WDR49: variants seen among roughly 807,000 people sequenced by gnomAD.
WDR49 encodes WD repeat domain 49.
Under a neutral mutation model 119.5 loss-of-function variants are expected in WDR49, and 107 were observed. That is an observed-to-expected ratio of 0.90 (90% CI 0.77 to 1.05). The LOEUF is 1.05. Among genes scored for constraint, WDR49 ranks in the 50% least tolerant of loss-of-function variants. The pLI, the probability that WDR49 is intolerant of heterozygous loss-of-function variation, is 0.00. For missense variants in WDR49, 1,240 were observed against 1,220.5 expected, an observed-to-expected ratio of 1.02 and a Z score of -0.24; for synonymous variants, 425 against 418.8, an observed-to-expected ratio of 1.01 and a Z score of -0.18.
At chr3:167,615,359 C>T (rs1467165537) in intron 5 of WDR49, among the ~76,000 whole-genome samples, 1 of 151,162 alleles carries the variant, frequency 6.6e-6, no homozygotes, top group Non-Finnish European at 1.5e-5. Context: ...TGGTCTCAAA[C>T]TCCTAGGCTC....
intron 8 of WDR49, among the ~76,000 whole-genome samples, chr3:167,563,297 T>A (rs932840092): frequency 4.4e-5 from 6 of 135,848 alleles, no homozygotes; most frequent in Non-Finnish European, 7.6e-5. Context: ...GAGCTTGCAG[T>A]GAGCCAAGAT....
chr3:167,540,806 C>G (rs1249948988), intron 10 of WDR49, among the ~76,000 whole-genome samples: 1 of 151,386 alleles, frequency 6.6e-6, no homozygotes, highest in East Asian at 1.9e-4. Context: ...TTTAAAAATA[C>G]AGGATATGGA....
chr3:167,650,141 C>A (rs1040309430), intron 2 of WDR49, among the ~76,000 whole-genome samples: 1 of 152,136 alleles, frequency 6.6e-6, no homozygotes, highest in African/African-American at 2.4e-5. Context: ...ATATCAAGCT[C>A]CATGGCTTTC....
chr3:167,565,679 G>A (rs1473464053), intron 8 of WDR49, among the ~76,000 whole-genome samples: 1 of 152,038 alleles, frequency 6.6e-6, no homozygotes, highest in African/African-American at 2.4e-5. Flanking sequence ...AAGGCCCTGA[G>A]GCACAGTGTC....
chr3:167,522,009 G>GATATATAT lies in WDR49; in HGVS notation c.2774+305_2774+306insATATATAT, dbSNP rs137908498. On this transcript the variant is annotated intron_variant, in intron 16 of 18. Coordinates refer to ENST00000682715, the MANE Select transcript of WDR49 (RefSeq NM_001366157.1). Reference sequence around the variant, plus strand: ...AGATAGATAGATAGATAGATAGATAGATAGATAGATTGTTTTTGAAGAAAG... The same window carrying GATATATAT: ...AGATAGATAGATAGATAGATAGATAGATATATATATAGATAGATTGTTTTTGAAGAAAG... 2.1e-3 allele frequency among the ~76,000 whole-genome samples: 305 copies of GATATATAT among 144,168 alleles called. 4 individuals carry two copies. The East Asian group carries it at 0.035, about 16-fold the overall frequency. 94.6% of individuals were successfully genotyped at this position (144,168 alleles called of 152,430 possible). A position where few individuals can be genotyped will look rare whatever the true frequency, so the allele number is the denominator to read the frequency against.
intron 8 of WDR49, among the ~76,000 whole-genome samples, chr3:167,567,477 TG>T (rs1713674300): frequency 6.6e-6 from 1 of 152,196 alleles, no homozygotes; most frequent in Non-Finnish European, 1.5e-5. Context: ...GTGCAACACG[TG>T]GACACAGTTT....
chr3:167,577,589 G>C (rs1170197741), intron 7 of WDR49, among the ~76,000 whole-genome samples: 2 of 151,934 alleles, frequency 1.3e-5, no homozygotes, highest in African/African-American at 2.4e-5. Context: ...AATTAAATGA[G>C]AGTCTATGTC....
At chr3:167,586,297 T>A (rs1387718694) in intron 7 of WDR49, among the ~76,000 whole-genome samples, 1 of 152,186 alleles carries the variant, frequency 6.6e-6, no homozygotes, top group Non-Finnish European at 1.5e-5. Context: ...TTACTCCCCA[T>A]GGTGGTTCCT....
chr3:167,616,674 A>G (rs1027760306), intron 5 of WDR49, among the ~76,000 whole-genome samples: 5 of 152,156 alleles, frequency 3.3e-5, no homozygotes, highest in African/African-American at 9.7e-5. Flanking sequence ...AAAAAATAAC[A>G]ATAGAAAAAT....
At chr3:167,637,531 A>C (rs1243029444) in intron 2 of WDR49, among the ~76,000 whole-genome samples, 1 of 151,774 alleles carries the variant, frequency 6.6e-6, no homozygotes, top group Admixed American at 6.6e-5. Context: ...TTTGTGAAGA[A>C]TAGTGGTGGT....
At position 167,621,454 on chromosome 3, in the gene WDR49, T is replaced by C. The variant is rs1190546827; in HGVS notation, c.783+13A>G. 1 of 1,511,122 alleles carries C rather than the reference T, an allele frequency of 6.6e-7. No homozygotes were observed. 93.6% of individuals were successfully genotyped at this position (1,511,122 alleles called of 1,614,324 possible). Reference sequence around the variant, plus strand: ...AAATCCATAGTATTCAATCTTAATCTACCCTCACTTACCTTTCCAGTTATA... The same window carrying C: ...AAATCCATAGTATTCAATCTTAATCCACCCTCACTTACCTTTCCAGTTATA... On this transcript the variant is annotated intron_variant, in intron 4 of 18. Transcript: ENST00000682715.
At chr3:167,644,144 A>T (rs887770639) in intron 2 of WDR49, among the ~76,000 whole-genome samples, 1 of 151,738 alleles carries the variant, frequency 6.6e-6, no homozygotes, top group Admixed American at 6.6e-5. Flanking sequence ...TTAATGCTAA[A>T]ATTCAATGGA....
intron 7 of WDR49, among the ~76,000 whole-genome samples, chr3:167,596,760 A>G (rs1293751340): frequency 6.7e-6 from 1 of 149,582 alleles, no homozygotes; most frequent in East Asian, 2.0e-4. Flanking sequence ...TGGGAGATAT[A>G]CCTAATGCTA....
At chr3:167,546,569 A>C (rs1712216500) in intron 10 of WDR49, among the ~76,000 whole-genome samples, 1 of 151,750 alleles carries the variant, frequency 6.6e-6, no homozygotes, top group Admixed American at 6.6e-5. Flanking sequence ...CCACCCTGAG[A>C]GTATCACAAC....
intron 16 of WDR49, 143 bp downstream of exon 16, chr3:167,522,172 C>T (rs912077472): frequency 7.3e-6 from 5 of 688,022 alleles, no homozygotes; most frequent in Admixed American, 3.7e-5. Context: ...CATTCATACG[C>T]ACCTACCAAT....
intron 2 of WDR49, among the ~76,000 whole-genome samples, chr3:167,646,209 G>T (rs1273879737): frequency 1.3e-5 from 2 of 152,184 alleles, no homozygotes; most frequent in Non-Finnish European, 2.9e-5. Flanking sequence ...GGAGTTGAGA[G>T]GAGGGGAGTT....
chr3:167,525,880 T>TCTCCTCTCTCTTTCCTTTCC (rs1457146332), intron 15 of WDR49, among the ~76,000 whole-genome samples: 4 of 151,896 alleles, frequency 2.6e-5, no homozygotes, highest in African/African-American at 9.7e-5. Flanking sequence ...ACTTCCCTTT[T>TCTCCTCTCTCTTTCCTTTCC]CTCCTCTCTC....
rs548687491 is a variant in WDR49 at position 167,550,348 on chromosome 3, T to C, written c.1823+4302A>G. ...TGAGCATGGAATGTTCTTCCATTTG[T>C]TTGTGTCCTCTTTTATTTTGTTGAG... On this transcript the variant is annotated intron_variant, in intron 10 of 18. Transcript: ENST00000682715. Among the ~76,000 whole-genome samples the C allele has an allele frequency of 5.1e-4, 77 of 152,306 alleles. 2 individuals carry two copies. In the East Asian group the frequency reaches 0.011, roughly 22 times the overall value.
chr3:167,557,321 T>C (rs1000390291), intron 9 of WDR49, among the ~76,000 whole-genome samples: 5 of 152,166 alleles, frequency 3.3e-5, no homozygotes. Flanking sequence ...TAGAAAATCA[T>C]CCACAGATAT....
Sources: gnomAD v4.1 joint callset for allele counts (sites outside exome capture counted in the v4.1 genomes callset) on GRCh38, gnomAD v4.1.1 for gene constraint, MANE v1.5 for transcripts, NCBI Gene and HGNC (gene_info 2026-07-23, HGNC 2026-07-21) for gene names.